The following RGS17 variants were observed in gnomAD, a reference collection of about 807,000 sequenced individuals.
RGS17 encodes regulator of G-protein signaling 17.
Under a neutral mutation model 25.5 loss-of-function variants are expected in RGS17, and 12 were observed. The observed-to-expected ratio is 0.47, with a 90% CI of 0.30 to 0.76. RGS17 has a LOEUF of 0.76. RGS17 is among the 30% of genes least tolerant of loss of function. The pLI is 0.07. For missense variants in RGS17, 196 were observed against 242.2 expected (o/e 0.81, Z 1.27); for synonymous variants, 71 against 76.9 (o/e 0.92, Z 0.40).
intron 2 of RGS17, among the ~76,000 whole-genome samples, chr6:153,033,143 T>A (rs1776176390): frequency 6.6e-6 from 1 of 152,190 alleles, no homozygotes; most frequent in African/African-American, 2.4e-5. Context: ...TTTCTTTCTA[T>A]ATACGCATCT....
chr6:153,117,855 A>G (rs1363627684), intron 1 of RGS17, among the ~76,000 whole-genome samples: 1 of 152,236 alleles, frequency 6.6e-6, no homozygotes, highest in Non-Finnish European at 1.5e-5. Flanking sequence ...ACTAGCTTAC[A>G]TTCTAGTTTC....
intron 4 of RGS17, among the ~76,000 whole-genome samples, chr6:153,016,452 G>A (rs917292353): frequency 5.9e-5 from 9 of 152,114 alleles, no homozygotes; most frequent in African/African-American, 1.9e-4. Flanking sequence ...TAAAAAAGGG[G>A]GGGTCATTTA....
chr6:153,107,782 C>A (rs1180032004), intron 1 of RGS17, among the ~76,000 whole-genome samples: 2 of 152,168 alleles, frequency 1.3e-5, no homozygotes, highest in African/African-American at 4.8e-5. Flanking sequence ...AATAAAACAC[C>A]AACAGGTGCA....
intron 4 of RGS17, among the ~76,000 whole-genome samples, 199 bp from the exon 5 acceptor site, chr6:153,011,961 TA>T (rs1322429166): frequency 4.6e-5 from 7 of 152,098 alleles, no homozygotes; most frequent in African/African-American, 1.7e-4. Context: ...AAAATCCAAT[TA>T]AGTCTTTTAA....
chr6:153,056,981 C>A (rs1016316211), intron 1 of RGS17, among the ~76,000 whole-genome samples: 7 of 151,536 alleles, frequency 4.6e-5, no homozygotes, highest in Admixed American at 3.9e-4. Context: ...TTAAAAATAT[C>A]TATTTTCCCA....
At chr6:153,034,183 C>T (rs1366417705) in intron 2 of RGS17, among the ~76,000 whole-genome samples, 2 of 152,064 alleles carry the variant, frequency 1.3e-5, no homozygotes, top group Admixed American at 6.6e-5. Context: ...TGTGTGAATA[C>T]GTATGGGATG....
intron 1 of RGS17, among the ~76,000 whole-genome samples, chr6:153,046,793 G>A (rs992855060): frequency 3.3e-5 from 5 of 152,066 alleles, no homozygotes; most frequent in African/African-American, 1.2e-4. Context: ...GAAAAATAAT[G>A]GATTGTCAGG....
chr6:153,045,466 T>G (rs1014680228), intron 1 of RGS17, among the ~76,000 whole-genome samples: 4 of 152,166 alleles, frequency 2.6e-5, no homozygotes, highest in Non-Finnish European at 4.4e-5. Flanking sequence ...ATCAGCTTAT[T>G]TGTTCAGTGA....
At chr6:153,018,175 A>C (rs1172624229) in intron 4 of RGS17, among the ~76,000 whole-genome samples, 4 of 152,104 alleles carry the variant, frequency 2.6e-5, no homozygotes, top group Admixed American at 1.3e-4. Context: ...GGGAGGGTTC[A>C]GGCCTGTGGT....
rs371216428 is a variant in RGS17 at position 153,018,712 on chromosome 6, T to C, written c.444+5550A>G. Among the ~76,000 whole-genome samples, 12 of 152,368 alleles carry C rather than the reference T, an allele frequency of 7.9e-5. No individual in the cohort carries two copies. In the East Asian group the frequency reaches 2.3e-3, roughly 29 times the overall value. ...ACAAGATTTGTCTGTCTTCCTAAAATGTAAGCTCCATTAAGGGATCGGCCA... is the reference window on the plus strand; with the variant it reads ...ACAAGATTTGTCTGTCTTCCTAAAACGTAAGCTCCATTAAGGGATCGGCCA... On this transcript the variant is annotated intron_variant, in intron 4 of 4. Transcript: ENST00000206262.
intron 1 of RGS17, among the ~76,000 whole-genome samples, chr6:153,070,740 C>G (rs1776780730): frequency 1.3e-5 from 2 of 148,998 alleles, no homozygotes; most frequent in Admixed American, 1.3e-4. Flanking sequence ...TATACACATA[C>G]ATAGACGTAT....
chr6:153,071,262 T>C (rs1255371092), intron 1 of RGS17, among the ~76,000 whole-genome samples: 1 of 151,438 alleles, frequency 6.6e-6, no homozygotes, highest in Middle Eastern at 3.4e-3. Flanking sequence ...GTACTGAGCA[T>C]ATATATATAA....
chr6:153,007,419 T>C lies in RGS17; in HGVS notation c.*4155A>G, dbSNP rs1779087219. 6.6e-6 allele frequency: 1 copy of C among 152,010 alleles called. No individual in the cohort carries two copies. Among genetic ancestry groups the C allele is most frequent in the Non-Finnish European group, 1.5e-5 (1 of 68,008 alleles). 9.4% of individuals were successfully genotyped at this position (152,010 alleles called of 1,614,324 possible). A position where few individuals can be genotyped will look rare whatever the true frequency, so the allele number is the denominator to read the frequency against. ...ATGTTTGAAAAATATACTTAGAAAA[T>C]TATGGTTGTAAACTGTCAATGTAAA... On this transcript the variant is annotated 3_prime_UTR_variant, in exon 5 of 5. Coordinates refer to ENST00000206262, the MANE Select transcript of RGS17 (RefSeq NM_012419.5).
chr6:153,033,113 TTCTC>T (rs1776175077), intron 2 of RGS17, among the ~76,000 whole-genome samples: 1 of 152,194 alleles, frequency 6.6e-6, no homozygotes, highest in South Asian at 2.1e-4. Context: ...CATTCTCTGA[TTCTC>T]TCTCTCAGTT....
chr6:153,057,282 A>G (rs1016262454), intron 1 of RGS17, among the ~76,000 whole-genome samples: 5 of 152,170 alleles, frequency 3.3e-5, no homozygotes, highest in African/African-American at 9.7e-5. Context: ...ATGCCGTTGC[A>G]GTAAGATCAA....
At chr6:153,125,040 T>C (rs1199791534) in intron 1 of RGS17, among the ~76,000 whole-genome samples, 1 of 152,174 alleles carries the variant, frequency 6.6e-6, no homozygotes, top group Non-Finnish European at 1.5e-5. Flanking sequence ...CACTATATTA[T>C]TGGGAAGATT....
intron 1 of RGS17, among the ~76,000 whole-genome samples, chr6:153,045,520 A>G (rs1776374998): frequency 6.6e-6 from 1 of 152,200 alleles, no homozygotes; most frequent in Non-Finnish European, 1.5e-5. Flanking sequence ...ATGGCAGGGA[A>G]TCCTGAGATA....
chr6:153,046,282 G>A (rs1254139190), intron 1 of RGS17, among the ~76,000 whole-genome samples: 9 of 150,062 alleles, frequency 6.0e-5, no homozygotes, highest in African/African-American at 1.9e-4. Flanking sequence ...GTTCCACATC[G>A]CTGTAGGATG....
chr6:153,128,461 A>G (rs1473275603), intron 1 of RGS17, among the ~76,000 whole-genome samples: 1 of 152,180 alleles, frequency 6.6e-6, no homozygotes, highest in Non-Finnish European at 1.5e-5. Flanking sequence ...TTTTCCAGGA[A>G]AGCCCATGTA....
Sources: allele counts gnomAD v4.1 joint callset (sites outside exome capture counted in the v4.1 genomes callset), GRCh38; gene constraint gnomAD v4.1.1; transcripts MANE v1.5; gene names NCBI Gene and HGNC (gene_info 2026-07-23, HGNC 2026-07-21).